Variants in SORL1 observed in about 807,000 individuals in gnomAD.
The protein encoded by SORL1 is sortilin-related receptor.
In SORL1, 127 loss-of-function variants were observed where a neutral mutation model predicts 273.7. The ratio of observed to expected loss-of-function variants is 0.46; its 90% CI spans 0.40 to 0.54. SORL1 has a LOEUF of 0.54. Ranked by LOEUF, SORL1 falls within the 20% of genes least tolerant of loss-of-function variation. The pLI is 0.00. For missense variants in SORL1, 2,494 were observed against 2,846.1 expected (o/e 0.88, Z 2.81); for synonymous variants, 1,031 against 1,067.4 (o/e 0.97, Z 0.66).
intron 25 of SORL1, among the ~76,000 whole-genome samples, chr11:121,581,120 C>T (rs951294701): frequency 2.6e-5 from 4 of 151,952 alleles, no homozygotes; most frequent in Non-Finnish European, 4.4e-5. Context: ...CCATGTTGGC[C>T]AAGCTTGTCT....
At chr11:121,514,595 T>C (rs1024545181) in intron 8 of SORL1, among the ~76,000 whole-genome samples, 8 of 152,190 alleles carry the variant, frequency 5.3e-5, no homozygotes, top group African/African-American at 2.4e-5. Flanking sequence ...TCCGAGCTAC[T>C]GTGTTAATCA....
At chr11:121,507,990 G>C (rs1443866533) in intron 6 of SORL1, among the ~76,000 whole-genome samples, 1 of 152,128 alleles carries the variant, frequency 6.6e-6, no homozygotes, top group Non-Finnish European at 1.5e-5. Flanking sequence ...GGAGTTTCCT[G>C]TACTGCTATC....
chr11:121,627,810 C>A lies in SORL1; in HGVS notation c.6577+43C>A, dbSNP rs1374319261. On this transcript the variant is annotated intron_variant, in intron 47 of 47. Coordinates refer to ENST00000260197, the MANE Select transcript of SORL1 (RefSeq NM_003105.6). The surrounding 1 kb of genome is among the most constrained non-coding windows in gnomAD (Gnocchi z 4.9). Reference sequence around the variant, plus strand: ...AGTCGGTTCTTCCTCCCAGGGCTGACCCCCACGCAGCCAATGACTTGATTA... The same window carrying A: ...AGTCGGTTCTTCCTCCCAGGGCTGAACCCCACGCAGCCAATGACTTGATTA... 2.1e-6 allele frequency: 3 copies of A among 1,430,720 alleles called. No individual in the cohort carries two copies. Among genetic ancestry groups the A allele is most frequent in the Non-Finnish European group, 2.9e-6 (3 of 1,028,720 alleles). 88.6% of individuals were successfully genotyped at this position (1,430,720 alleles called of 1,614,324 possible).
Position 121,512,539 on chromosome 11 carries a change from A to C in SORL1, c.940-464A>C, listed in dbSNP as rs896413169. 4.6e-5 allele frequency among the ~76,000 whole-genome samples: 7 copies of C among 152,364 alleles called. No homozygotes were observed. In the East Asian group the frequency reaches 7.7e-4, roughly 17 times the overall value. ...GTGCAAATTAAAACCTTGTGACTGG[A>C]GCATCCTTGTAATCTAAAAATAGGA... On this transcript the variant is annotated intron_variant, in intron 6 of 47. Transcript: ENST00000260197.
chr11:121,548,931 A>G (rs972990925), intron 14 of SORL1, among the ~76,000 whole-genome samples: 3 of 152,202 alleles, frequency 2.0e-5, no homozygotes, highest in Non-Finnish European at 4.4e-5. Flanking sequence ...AACGTGGAAT[A>G]TATGTTCTGT....
In SORL1 at chr11:121,550,889, G is replaced by T. The variant is rs1317719152; in HGVS notation, c.2266+219G>T. Among the ~76,000 whole-genome samples the T allele has an allele frequency of 6.6e-6, 1 of 152,178 alleles. No homozygotes were observed. The highest frequency in any genetic ancestry group is 6.5e-5 in the Admixed American group (1 of 15,282). The stretch of plus-strand genomic sequence containing the variant: ...TAGGAATGGAAAGTACTTTGTGTCA[G>T]CTCAGTTTCTTTGAGGGAAATCCCT... On this transcript the variant is annotated intron_variant, in intron 16 of 47. Coordinates refer to ENST00000260197, the MANE Select transcript of SORL1 (RefSeq NM_003105.6). The surrounding 1 kb of genome is among the most constrained non-coding windows in gnomAD (Gnocchi z 5.3).
In SORL1 at chr11:121,554,094, C is replaced by G. The variant is rs200885064; in HGVS notation, c.2424C>G (p.Ala808=). ...ACTGTTTGTATTGGTCCGACCTGGC[C>G]TTGGACGTCATCCAGGTGAGTCAGC... is the stretch of plus-strand genomic sequence containing the variant. ...EHNCLYWSDL[A]LDVIQRLCLN... The change falls in exon 17 of 48, where the codon GCC becomes GCG. Residue 808 remains alanine, a synonymous_variant. Transcript: ENST00000260197. The surrounding 1 kb of genome is among the most constrained non-coding windows in gnomAD (Gnocchi z 4.6). The G allele has an allele frequency of 1.2e-6, 2 of 1,613,974 alleles. No individual in the cohort carries two copies. The highest frequency in any genetic ancestry group is 1.7e-6 in the Non-Finnish European group (2 of 1,179,912).
intron 18 of SORL1, among the ~76,000 whole-genome samples, chr11:121,556,654 G>A (rs948113986): frequency 3.9e-5 from 6 of 152,212 alleles, no homozygotes; most frequent in Non-Finnish European, 7.3e-5. Context: ...ATGAGCCAAG[G>A]TGCAGAGCTA....
intron 30 of SORL1, 165 bp from the exon 31 acceptor site, chr11:121,590,836 A>T: frequency 1.3e-6 from 1 of 794,768 alleles, no homozygotes. Flanking sequence ...ACAACCCATT[A>T]TACATGATTT....
intron 16 of SORL1, among the ~76,000 whole-genome samples, chr11:121,551,769 G>A (rs1028295791): frequency 1.3e-5 from 2 of 152,288 alleles, no homozygotes; most frequent in East Asian, 1.9e-4. Context: ...TGCTAAGTTC[G>A]TTAGTCCCTT....
rs1408365694 is a variant in SORL1, at chr11:121,550,367, A to C, written c.2181-218A>C. Among the ~76,000 whole-genome samples the C allele has an allele frequency of 6.6e-6, 1 of 152,234 alleles. No individual in the cohort carries two copies. The highest frequency in any genetic ancestry group is 2.4e-5 in the African/African-American group (1 of 41,456). On this transcript the variant is annotated intron_variant, in intron 15 of 47. Transcript: ENST00000260197. This position sits in a 1 kb window ranked among gnomAD's most constrained non-coding sequence, Gnocchi z 5.3. ...GGAATGTATTCAAGAGATATATTTA[A>C]AAATCTTGGCCAGGACAGTGCCCTA...
intron 21 of SORL1, among the ~76,000 whole-genome samples, chr11:121,560,077 C>A (rs1317387062): frequency 6.6e-6 from 1 of 152,218 alleles, no homozygotes; most frequent in Non-Finnish European, 1.5e-5. Context: ...CCCAGATGAC[C>A]TATTGCTCAT....
intron 27 of SORL1, among the ~76,000 whole-genome samples, chr11:121,587,374 A>G (rs1339230567): frequency 3.3e-5 from 5 of 152,296 alleles, no homozygotes. Flanking sequence ...CCTTGGAGAG[A>G]GCCAGTTGCA....
rs772060927 is a variant in SORL1 at position 121,583,575 on chromosome 11, T to G, written c.3698T>G (p.Val1233Gly). The change falls in exon 26 of 48, where the codon GTC becomes GGC. Residue 1233 changes from valine to glycine, a missense_variant. Val to Gly is a moderately radical substitution (Grantham distance 109). This residue lies in a region of SORL1 where 1,609 missense variants were observed against 1,816.4 expected (regional missense o/e 0.89). Coordinates refer to ENST00000260197, the MANE Select transcript of SORL1 (RefSeq NM_003105.6). ...DCQDGSDEDP[V>G]NCEKKCNGFR... is the part of the protein sequence containing the mutation. The stretch of plus-strand genomic sequence containing the variant: ...CAGGATGGTTCCGATGAGGATCCAG[T>G]CAACTGTGGTAAATGCAAATTCCCC... 85 of 1,607,940 alleles carry G rather than the reference T, an allele frequency of 5.3e-5. No individual in the cohort carries two copies. The highest frequency in any genetic ancestry group is 6.8e-5 in the Non-Finnish European group (80 of 1,177,204).
At chr11:121,482,387 G>A (rs1019587657) in intron 3 of SORL1, among the ~76,000 whole-genome samples, 2 of 152,198 alleles carry the variant, frequency 1.3e-5, no homozygotes, top group Non-Finnish European at 2.9e-5. Flanking sequence ...GGTGGGGTTG[G>A]AGAAGTCAGG....
chr11:121,555,358 G>A lies in SORL1; in HGVS notation c.2571+40G>A, dbSNP rs775971925. The A allele has an allele frequency of 2.9e-4, 473 of 1,607,748 alleles. 1 individual carries two copies. The highest frequency in any genetic ancestry group is 1.2e-4 in the Non-Finnish European group (141 of 1,175,892). On this transcript the variant is annotated intron_variant, in intron 18 of 47. Transcript: ENST00000260197. Reference sequence around the variant, plus strand: ...GTGCTGTTCTTAATTAAGGGAGCAGGCGGGGCACCTGGGCTTTGAGCCACA... The same window carrying A: ...GTGCTGTTCTTAATTAAGGGAGCAGACGGGGCACCTGGGCTTTGAGCCACA...
intron 28 of SORL1, 66 bp from the exon 29 acceptor site, chr11:121,589,192 AC>A (rs142319448): frequency 0.014 from 21,644 of 1,583,514 alleles, 179 homozygotes; most frequent in Non-Finnish European, 0.017. Flanking sequence ...GCTTCTGGGC[AC>A]CACTGCTGCT....
chr11:121,579,238 G>A (rs557361724), intron 25 of SORL1, among the ~76,000 whole-genome samples: 1 of 152,220 alleles, frequency 6.6e-6, no homozygotes, highest in Admixed American at 6.5e-5. Flanking sequence ...TTGTTCCAAG[G>A]GCTGTTCTTC....
intron 32 of SORL1, among the ~76,000 whole-genome samples, chr11:121,602,115 A>G (rs903607533): frequency 5.3e-5 from 8 of 152,156 alleles, no homozygotes; most frequent in African/African-American, 1.9e-4. Flanking sequence ...TTCTGAGACT[A>G]TTACAGTAGT....
Sources: gnomAD v4.1 joint callset for allele counts (sites outside exome capture counted in the v4.1 genomes callset) on GRCh38, gnomAD v4.1.1 for gene constraint, gnomAD v4.1.1 regional missense constraint, Gnocchi (gnomAD v3.1) non-coding constraint, MANE v1.5 for transcripts, NCBI Gene and HGNC (gene_info 2026-07-23, HGNC 2026-07-21) for gene names.